Variants in SASS6 observed in about 807,000 individuals in gnomAD.
SASS6 encodes the protein spindle assembly abnormal protein 6 homolog.
A neutral mutation model predicts 94.9 loss-of-function variants in SASS6; 59 were observed. That is an observed-to-expected ratio of 0.62 (90% CI 0.50 to 0.77). SASS6 has a LOEUF of 0.77. SASS6 is among the 30% of genes least tolerant of loss of function. The probability of loss-of-function intolerance (pLI) is 0.00; values close to 1 mark genes in which losing one functional copy is unlikely to be tolerated. For synonymous variants in SASS6, 264 were observed against 270.0 expected (o/e 0.98, Z 0.22); for missense variants, 698 against 734.1 (o/e 0.95, Z 0.57).
chr1:100,108,009 A>G lies in SASS6; in HGVS notation c.862-5T>C, dbSNP rs372881039. On this transcript the variant is annotated splice_region_variant and splice_polypyrimidine_tract_variant and intron_variant, in intron 8 of 16. Transcript: ENST00000287482. Reference sequence around the variant, plus strand: ...TTGCTTAGTCCGCTGTAGCTCCTAGAATGGGAAAAGAAAGAAATTAAGCAT... The same window carrying G: ...TTGCTTAGTCCGCTGTAGCTCCTAGGATGGGAAAAGAAAGAAATTAAGCAT... 92 of 1,566,160 alleles carry G rather than the reference A, an allele frequency of 5.9e-5. No individual in the cohort carries two copies. The African/African-American group carries it at 1.2e-3, about 20-fold the overall frequency.
At chr1:100,088,818 G>C (rs1159736638) in intron 14 of SASS6, among the ~76,000 whole-genome samples, 2 of 147,332 alleles carry the variant, frequency 1.4e-5, no homozygotes, top group Non-Finnish European at 3.0e-5. Flanking sequence ...CTGGGCAACA[G>C]AGCAAGACCC....
At chr1:100,124,571 G>A (rs1654431605) in intron 2 of SASS6, among the ~76,000 whole-genome samples, 2 of 152,064 alleles carry the variant, frequency 1.3e-5, no homozygotes, top group South Asian at 4.2e-4. Context: ...TTGTAGAGAT[G>A]GGATTTCACC....
At position 100,085,233 on chromosome 1, in the gene SASS6, G is replaced by C. The variant is rs1431594382; in HGVS notation, c.*95C>G. On this transcript the variant is annotated 3_prime_UTR_variant, in exon 17 of 17. Coordinates refer to ENST00000287482, the MANE Select transcript of SASS6 (RefSeq NM_194292.3). The stretch of plus-strand genomic sequence containing the variant: ...GTCTTTAACAGCTCAAGTAAAATTT[G>C]AAACTTGCTATTTGAGGATCTGGTT... 1 of 808,784 alleles carries C rather than the reference G, an allele frequency of 1.2e-6. No individual in the cohort carries two copies. The highest frequency in any genetic ancestry group is 2.1e-6 in the Non-Finnish European group (1 of 465,368). 50.1% of individuals were successfully genotyped at this position (808,784 alleles called of 1,614,324 possible).
intron 7 of SASS6, among the ~76,000 whole-genome samples, chr1:100,115,111 C>T (rs1475047303): frequency 6.6e-6 from 1 of 152,046 alleles, no homozygotes; most frequent in African/African-American, 2.4e-5. Context: ...GGACACTAAT[C>T]ATAGGAAGAG....
At chr1:100,129,102 T>C (rs1175254502) in intron 1 of SASS6, among the ~76,000 whole-genome samples, 1 of 152,008 alleles carries the variant, frequency 6.6e-6, no homozygotes, top group Non-Finnish European at 1.5e-5. Context: ...GAGCCAGGCA[T>C]GGTGGTGCAT....
chr1:100,114,695 G>A (rs1653660478), intron 7 of SASS6, among the ~76,000 whole-genome samples: 1 of 151,934 alleles, frequency 6.6e-6, no homozygotes, highest in Non-Finnish European at 1.5e-5. Flanking sequence ...TCCAGCCTGG[G>A]CAACAGAGCA....
chr1:100,112,757 T>G (rs2101671975), intron 7 of SASS6, among the ~76,000 whole-genome samples: 1 of 152,314 alleles, frequency 6.6e-6, no homozygotes, highest in Middle Eastern at 3.4e-3. Flanking sequence ...ATGGCAGTGG[T>G]TATCAAAGTA....
In SASS6 at chr1:100,107,968, G is replaced by C. The variant is rs767075680; in HGVS notation, c.898C>G (p.Arg300Gly). ...QRTKQEVLSL[R>G]RENSTLDVEC... The stretch of plus-strand genomic sequence containing the variant: ...ACATCTAGTGTAGAATTCTCTCTTC[G>C]CAAAGAGAGGACTTCTTGCTTAGTC... The change falls in exon 9 of 17, where the codon CGA becomes GGA. Residue 300 changes from arginine to glycine, a missense_variant. Physicochemically the swap from Arg to Gly is moderately radical, Grantham distance 125. Coordinates refer to ENST00000287482, the MANE Select transcript of SASS6 (RefSeq NM_194292.3). 6.2e-7 allele frequency: 1 copy of C among 1,610,988 alleles called. No individual in the cohort carries two copies. The highest frequency in any genetic ancestry group is 1.1e-5 in the South Asian group (1 of 90,876).
At chr1:100,090,191 T>C (rs912028969) in intron 14 of SASS6, among the ~76,000 whole-genome samples, 25 of 152,032 alleles carry the variant, frequency 1.6e-4, no homozygotes, top group Admixed American at 1.3e-4. Context: ...AAACAGGACA[T>C]ATAGAAAACA....
intron 15 of SASS6, 50 bp from the exon 16 acceptor site, chr1:100,085,680 T>C (rs201216790): frequency 3.5e-6 from 4 of 1,142,798 alleles, no homozygotes; most frequent in Admixed American, 1.8e-5. Context: ...TTATTAACTT[T>C]GAAGGTTTAT....
intron 1 of SASS6, among the ~76,000 whole-genome samples, chr1:100,126,560 T>C (rs1019796692): frequency 6.6e-6 from 1 of 152,098 alleles, no homozygotes; most frequent in Non-Finnish European, 1.5e-5. Flanking sequence ...GGCAGATCAC[T>C]TGAGGTCAAG....
chr1:100,118,183 C>A (rs914869371), intron 7 of SASS6, among the ~76,000 whole-genome samples: 2 of 152,006 alleles, frequency 1.3e-5, no homozygotes, highest in Non-Finnish European at 2.9e-5. Flanking sequence ...GGCATGGTGG[C>A]ACATGCCTGT....
chr1:100,096,198 A>T (rs1652086152), intron 14 of SASS6, among the ~76,000 whole-genome samples: 1 of 152,254 alleles, frequency 6.6e-6, no homozygotes, highest in Non-Finnish European at 1.5e-5. Flanking sequence ...GGATAGGCAT[A>T]AAAATCAATG....
In SASS6 at chr1:100,105,823, G is replaced by A; in HGVS notation, c.1489C>T (p.Pro497Ser). ...ATTGTGTTGCTGCTGGAATGTGCAG[G>A]CGGAGTAGTAGAAGGTCCCAATACA... ...QDVLGPSTTPPAHSSSNTIRS... is the reference protein window; with the variant it reads ...QDVLGPSTTPSAHSSSNTIRS... The change falls in exon 13 of 17, where the codon CCT becomes TCT. Residue 497 changes from proline to serine, a missense_variant. Transcript: ENST00000287482. 3 of 1,613,142 alleles carry A rather than the reference G, an allele frequency of 1.9e-6. No homozygotes were observed. Among genetic ancestry groups the A allele is most frequent in the Non-Finnish European group, 2.5e-6 (3 of 1,179,404 alleles).
intron 14 of SASS6, among the ~76,000 whole-genome samples, chr1:100,092,503 A>G (rs1651794475): frequency 6.6e-6 from 1 of 152,214 alleles, no homozygotes; most frequent in Non-Finnish European, 1.5e-5. Context: ...GAAAAGAACA[A>G]GAAGAACAGA....
At chr1:100,119,436 T>C (rs1490359699) in intron 6 of SASS6, among the ~76,000 whole-genome samples, 2 of 152,214 alleles carry the variant, frequency 1.3e-5, no homozygotes, top group South Asian at 2.1e-4. Context: ...GCAAGTCGAT[T>C]ATAAGGAATA....
chr1:100,106,988 G>A lies in SASS6; in HGVS notation c.1332C>T (p.Cys444=). ...TAGCTTCTAATTGTTCTTGTAATTT[G>A]CATACCTGAAATATATCAATCATCA... ...QSLRIKEQEV[C]KLQEQLEATV... The change falls in exon 12 of 17, where the codon TGC becomes TGT. Residue 444 remains cysteine (C), a synonymous_variant. Coordinates refer to ENST00000287482, the MANE Select transcript of SASS6 (RefSeq NM_194292.3). 1 of 1,342,946 alleles carries A rather than the reference G, an allele frequency of 7.4e-7. No homozygotes were observed. The highest frequency in any genetic ancestry group is 1.1e-6 in the Non-Finnish European group (1 of 939,152). 83.2% of individuals were successfully genotyped at this position (1,342,946 alleles called of 1,614,324 possible).
At chr1:100,122,599 C>G in intron 3 of SASS6, 115 bp from the exon 4 acceptor site, 1 of 432,976 alleles carries the variant, frequency 2.3e-6, no homozygotes. Context: ...ATCACCCAGG[C>G]TGGAGTGCAG....
chr1:100,119,648 C>A (rs776178854), intron 6 of SASS6, among the ~76,000 whole-genome samples: 2 of 152,310 alleles, frequency 1.3e-5, no homozygotes, highest in Middle Eastern at 3.4e-3. Flanking sequence ...GGTTTAGTGC[C>A]ATTCCCTTGG....
Sources: allele counts gnomAD v4.1 joint callset (sites outside exome capture counted in the v4.1 genomes callset), GRCh38; gene constraint gnomAD v4.1.1; transcripts MANE v1.5; gene names NCBI Gene and HGNC (gene_info 2026-07-23, HGNC 2026-07-21).